The following WDR37 variants were observed in gnomAD, a reference collection of about 807,000 sequenced individuals.
WDR37 encodes WD repeat-containing protein 37.
In WDR37, 19 loss-of-function variants were observed where a neutral mutation model predicts 62.9. That is an observed-to-expected ratio of 0.30 (90% CI 0.21 to 0.44). WDR37 has a LOEUF of 0.44. Ranked by LOEUF, WDR37 falls within the 20% of genes least tolerant of loss-of-function variation. The pLI, the probability that WDR37 is intolerant of heterozygous loss-of-function variation, is 1.00. For missense variants in WDR37, 474 were observed against 657.6 expected (o/e 0.72, Z 3.05); for synonymous variants, 250 against 260.9 (o/e 0.96, Z 0.40).
intron 7 of WDR37, among the ~76,000 whole-genome samples, chr10:1,091,228 G>A (rs1451719025): frequency 6.6e-6 from 1 of 152,174 alleles, no homozygotes; most frequent in African/African-American, 2.4e-5. Flanking sequence ...TTTGTGATTA[G>A]CTGAGGGTTG....
rs1453936477 is a variant in WDR37 at position 1,105,531 on chromosome 10, G to A, written c.1103+264G>A. Among the ~76,000 whole-genome samples, 1 of 152,194 alleles carries A rather than the reference G, an allele frequency of 6.6e-6. No homozygotes were observed. Among genetic ancestry groups the A allele is most frequent in the Non-Finnish European group, 1.5e-5 (1 of 68,038 alleles). On this transcript the variant is annotated intron_variant, in intron 11 of 13. Transcript: ENST00000263150. The surrounding 1 kb of genome is among the most constrained non-coding windows in gnomAD (Gnocchi z 5.3). ...CAGACAGAATGGGGGAGTGGGTGGAGAGGGTTAGAGAAGAGCAGGGCTGCC... is the reference window on the plus strand; with the variant it reads ...CAGACAGAATGGGGGAGTGGGTGGAAAGGGTTAGAGAAGAGCAGGGCTGCC...
chr10:1,074,171 G>A (rs1015907736), intron 2 of WDR37, among the ~76,000 whole-genome samples: 6 of 152,346 alleles, frequency 3.9e-5, no homozygotes, highest in African/African-American at 1.4e-4. Context: ...GACAGTGTGA[G>A]TAAGCAGTCC....
chr10:1,113,004 C>T (rs541739553), intron 11 of WDR37, among the ~76,000 whole-genome samples: 1 of 152,358 alleles, frequency 6.6e-6, no homozygotes, highest in Admixed American at 6.5e-5. Context: ...GTAGACAAAA[C>T]AGCCTTCTGT....
At chr10:1,082,103 T>C (rs896650680) in intron 5 of WDR37, among the ~76,000 whole-genome samples, 1 of 152,220 alleles carries the variant, frequency 6.6e-6, no homozygotes, top group Non-Finnish European at 1.5e-5. Context: ...AAAATAACTA[T>C]GAAAATATAA....
At chr10:1,083,404 G>A (rs371409204) in intron 5 of WDR37, among the ~76,000 whole-genome samples, 301 of 152,300 alleles carry the variant, frequency 2.0e-3, no homozygotes, top group African/African-American at 6.8e-3. Flanking sequence ...ACAGTGGGTT[G>A]TGCTTTATGG....
intron 2 of WDR37, among the ~76,000 whole-genome samples, chr10:1,076,242 T>G (rs1161108277): frequency 1.3e-5 from 2 of 152,184 alleles, no homozygotes; most frequent in Non-Finnish European, 2.9e-5. Flanking sequence ...TGTGCGTGTG[T>G]GTGTGTGGTT....
intron 13 of WDR37, among the ~76,000 whole-genome samples, chr10:1,126,260 G>T (rs1343987258): frequency 6.6e-6 from 1 of 151,830 alleles, no homozygotes; most frequent in Non-Finnish European, 1.5e-5. Context: ...AAAAAAATCA[G>T]CCAGGCGTGG....
intron 11 of WDR37, among the ~76,000 whole-genome samples, chr10:1,107,039 G>A (rs1448443775): frequency 7.9e-5 from 12 of 152,234 alleles, no homozygotes; most frequent in African/African-American, 2.7e-4. Context: ...CAGACCTCCC[G>A]GTGGTCAGTG....
At chr10:1,123,227 T>C (rs992558192) in intron 11 of WDR37, among the ~76,000 whole-genome samples, 9 of 152,382 alleles carry the variant, frequency 5.9e-5, no homozygotes, top group Admixed American at 3.9e-4. Context: ...TGTTGAATTT[T>C]TCTCCTCAAA....
At position 1,086,504 on chromosome 10, in the gene WDR37, T is replaced by C. The variant is rs2279255; in HGVS notation, c.604+147T>C. 2.9e-4 allele frequency: 179 copies of C among 618,036 alleles called. 1 individual carries two copies. The East Asian group carries it at 3.9e-3, about 13-fold the overall frequency. The allele number at this position is 618,036 out of a possible 1,614,324, so 38.3% of individuals were successfully genotyped here. Reference sequence around the variant, plus strand: ...GGGACAGTGTGGTCTGTTCAGAGACTGGGATAACTCTGTCTTGAGCTTGTA... The same window carrying C: ...GGGACAGTGTGGTCTGTTCAGAGACCGGGATAACTCTGTCTTGAGCTTGTA... On this transcript the variant is annotated intron_variant, in intron 7 of 13. Transcript: ENST00000263150.
intron 7 of WDR37, among the ~76,000 whole-genome samples, chr10:1,092,246 C>A (rs1054507179): frequency 5.9e-5 from 9 of 151,780 alleles, no homozygotes; most frequent in Non-Finnish European, 1.2e-4. Flanking sequence ...GTGGCTCACG[C>A]CTGTAATCCC....
rs1288430880 is a variant in WDR37, at chr10:1,084,489, T to C, written c.483T>C (p.Asp161=). ...TCGGCCACCGGGACGGCATCTGGGA[T>C]GTCAGCGTGGCCAAGACACAGCCAG... ...EYIGHRDGIW[D]VSVAKTQPVV... Residue 161 remains aspartate (D), a synonymous_variant, in exon 6 of 14, where the codon GAT becomes GAC. Coordinates refer to ENST00000263150, the MANE Select transcript of WDR37 (RefSeq NM_014023.4). The C allele has an allele frequency of 1.2e-6, 2 of 1,613,980 alleles. No individual in the cohort carries two copies. The highest frequency in any genetic ancestry group is 2.7e-5 in the African/African-American group (2 of 74,886).
At chr10:1,100,993 G>A (rs887063301) in intron 9 of WDR37, among the ~76,000 whole-genome samples, 2 of 152,158 alleles carry the variant, frequency 1.3e-5, no homozygotes, top group African/African-American at 2.4e-5. Flanking sequence ...CTCAGGAAAC[G>A]TCCCTGTCAC....
chr10:1,083,794 C>T (rs544985241), intron 5 of WDR37, among the ~76,000 whole-genome samples: 19 of 152,342 alleles, frequency 1.2e-4, no homozygotes, highest in African/African-American at 3.8e-4. Flanking sequence ...CCTACGGCCG[C>T]GCTGCCCTGC....
Position 1,129,343 on chromosome 10 carries a change from A to G in WDR37, c.1484A>G (p.Ter495=). ...ATCCCTGCATTGCTACAAGAAAAAT[A>G]AGGACACCGGCAGCCCTTAGTTTCA... The part of the protein sequence containing the change: ...INIPALLQEK[*] Residue 495 remains the stop codon, a stop_retained_variant, in exon 14 of 14, where the codon TAA becomes TGA. Coordinates refer to ENST00000263150, the MANE Select transcript of WDR37 (RefSeq NM_014023.4). The G allele has an allele frequency of 6.2e-7, 1 of 1,614,030 alleles. No individual in the cohort carries two copies. The highest frequency in any genetic ancestry group is 8.5e-7 in the Non-Finnish European group (1 of 1,179,956).
chr10:1,075,337 T>G (rs1282408032), intron 2 of WDR37, among the ~76,000 whole-genome samples: 1 of 151,572 alleles, frequency 6.6e-6, no homozygotes, highest in East Asian at 1.9e-4. Flanking sequence ...AACGAGCAGG[T>G]TTGTTACGTA....
Position 1,105,350 on chromosome 10 carries a change from T to G in WDR37, c.1103+83T>G. 1 of 1,486,362 alleles carries G rather than the reference T, an allele frequency of 6.7e-7. No individual in the cohort carries two copies. Among genetic ancestry groups the G allele is most frequent in the Admixed American group, 2.1e-5 (1 of 48,748 alleles). The allele number at this position is 1,486,362 out of a possible 1,614,324, so 92.1% of individuals were successfully genotyped here. A position where few individuals can be genotyped will look rare whatever the true frequency, so the allele number is the denominator to read the frequency against. On this transcript the variant is annotated intron_variant, in intron 11 of 13. Transcript: ENST00000263150. The surrounding 1 kb of genome is among the most constrained non-coding windows in gnomAD (Gnocchi z 5.3). ...CATGAAAACTTAATTCTAGCCTTAA[T>G]TTTCAGTATTTCCGACTCTACTATC...
chr10:1,113,657 G>A (rs1278407703), intron 11 of WDR37, among the ~76,000 whole-genome samples: 2 of 152,234 alleles, frequency 1.3e-5, no homozygotes, highest in Non-Finnish European at 2.9e-5. Flanking sequence ...AATGGAGAAA[G>A]TCACTGCAGG....
At chr10:1,092,145 A>G (rs1194589919) in intron 7 of WDR37, among the ~76,000 whole-genome samples, 1 of 140,548 alleles carries the variant, frequency 7.1e-6, no homozygotes, top group African/African-American at 2.7e-5. Flanking sequence ...GCGCCACTGC[A>G]CTCCAACCTG....
Sources: allele counts gnomAD v4.1 joint callset (sites outside exome capture counted in the v4.1 genomes callset), GRCh38; gene constraint gnomAD v4.1.1; non-coding constraint Gnocchi (gnomAD v3.1); transcripts MANE v1.5; gene names NCBI Gene and HGNC (gene_info 2026-07-23, HGNC 2026-07-21).